The following RORB variants were observed in gnomAD, a reference collection of about 807,000 sequenced individuals.
RORB encodes the protein nuclear receptor ROR-beta.
A neutral mutation model predicts 59.1 loss-of-function variants in RORB; 6 were observed. The observed-to-expected ratio is 0.10, with a 90% CI of 0.06 to 0.20. The LOEUF is 0.20. RORB is among the 10% of genes least tolerant of loss of function. RORB has a pLI of 1.00. For missense variants in RORB, 320 were observed against 560.5 expected (o/e 0.57, Z 4.33); for synonymous variants, 215 against 204.5 (o/e 1.05, Z -0.44).
chr9:74,525,738 T>A (rs1167242349), intron 1 of RORB, among the ~76,000 whole-genome samples: 3 of 151,872 alleles, frequency 2.0e-5, no homozygotes, highest in African/African-American at 7.2e-5. Flanking sequence ...AATTCTACTG[T>A]TTTTTGCTTT....
intron 1 of RORB, among the ~76,000 whole-genome samples, chr9:74,624,525 A>G (rs1823478309): frequency 6.6e-6 from 1 of 152,192 alleles, no homozygotes; most frequent in African/African-American, 2.4e-5. Flanking sequence ...TTATTTTTCC[A>G]AGATCCTATC....
At chr9:74,517,017 T>A (rs1826020243) in intron 1 of RORB, among the ~76,000 whole-genome samples, 1 of 151,998 alleles carries the variant, frequency 6.6e-6, no homozygotes, top group Non-Finnish European at 1.5e-5. Flanking sequence ...TGGGAGCTAA[T>A]TAATATTTTA....
At chr9:74,499,859 C>A (rs533834067) in intron 1 of RORB, among the ~76,000 whole-genome samples, 1 of 152,250 alleles carries the variant, frequency 6.6e-6, no homozygotes, top group South Asian at 2.1e-4. Flanking sequence ...GTAAACTATG[C>A]GCCACCTCAG....
rs557012519 is a variant in RORB at position 74,572,534 on chromosome 9, T to C, written c.8-57748T>C. Reference sequence around the variant, plus strand: ...TTGAACTGGTAGCATTGACAATTGATGAGGTGATGTTATCACCTTTGAAGT... The same window carrying C: ...TTGAACTGGTAGCATTGACAATTGACGAGGTGATGTTATCACCTTTGAAGT... On this transcript the variant is annotated intron_variant, in intron 1 of 9. Coordinates refer to ENST00000376896, the MANE Select transcript of RORB (RefSeq NM_006914.4). Among the ~76,000 whole-genome samples the C allele has an allele frequency of 2.6e-5, 4 of 152,212 alleles. No individual in the cohort carries two copies. In the South Asian group the frequency reaches 8.3e-4, roughly 32 times the overall value.
intron 4 of RORB, among the ~76,000 whole-genome samples, chr9:74,644,242 C>G (rs1823858615): frequency 6.6e-6 from 1 of 152,178 alleles, no homozygotes; most frequent in South Asian, 2.1e-4. Flanking sequence ...CAGCATGTGA[C>G]AGTGAGTAAC....
chr9:74,561,172 C>T (rs1273028045), intron 1 of RORB, among the ~76,000 whole-genome samples: 1 of 151,954 alleles, frequency 6.6e-6, no homozygotes, highest in Non-Finnish European at 1.5e-5. Context: ...CTCCAACTTC[C>T]TGAGAGGTCT....
chr9:74,644,763 A>C (rs1823868553), intron 4 of RORB, among the ~76,000 whole-genome samples: 1 of 152,218 alleles, frequency 6.6e-6, no homozygotes, highest in Admixed American at 6.5e-5. Flanking sequence ...AACTCACAAC[A>C]GTGGAGCAAT....
intron 9 of RORB, among the ~76,000 whole-genome samples, chr9:74,675,602 T>G (rs1220638198): frequency 6.6e-6 from 1 of 152,178 alleles, no homozygotes; most frequent in African/African-American, 2.4e-5. Flanking sequence ...AGAAAAAGAC[T>G]GATTTTGCCA....
At chr9:74,597,200 G>T (rs1163182477) in intron 1 of RORB, among the ~76,000 whole-genome samples, 3 of 152,188 alleles carry the variant, frequency 2.0e-5, no homozygotes, top group African/African-American at 7.2e-5. Flanking sequence ...GGAAGTAGGA[G>T]CAATACCAGA....
In RORB at chr9:74,514,635, C is replaced by A. The variant is rs112323755; in HGVS notation, c.7+16652C>A. 3.8e-3 allele frequency among the ~76,000 whole-genome samples: 568 copies of A among 149,348 alleles called. 6 individuals are homozygous for A. Among genetic ancestry groups the A allele is most frequent in the African/African-American group, 0.013 (537 of 40,940 alleles). On this transcript the variant is annotated intron_variant, in intron 1 of 9. Coordinates refer to ENST00000376896, the MANE Select transcript of RORB (RefSeq NM_006914.4). The stretch of plus-strand genomic sequence containing the variant: ...TAAGCCTTAAGAGGATAACAGTATA[C>A]TTAAAATATGCTAAATGATATTTAT...
chr9:74,523,872 G>T (rs1210188230), intron 1 of RORB, among the ~76,000 whole-genome samples: 1 of 151,812 alleles, frequency 6.6e-6, no homozygotes, highest in Non-Finnish European at 1.5e-5. Context: ...GGCTGTTTGG[G>T]TTCATAGTCA....
At chr9:74,534,838 G>A (rs891480561) in intron 1 of RORB, among the ~76,000 whole-genome samples, 11 of 152,016 alleles carry the variant, frequency 7.2e-5, no homozygotes, top group African/African-American at 1.9e-4. Context: ...ACATTACTTC[G>A]TCTTTTTCTG....
intron 4 of RORB, among the ~76,000 whole-genome samples, chr9:74,652,833 G>GC (rs1416992263): frequency 2.6e-5 from 4 of 152,068 alleles, no homozygotes; most frequent in Non-Finnish European, 4.4e-5. Flanking sequence ...AATTATTGAT[G>GC]CCCCCAATTT....
chr9:74,678,305 C>T (rs1289852503), intron 9 of RORB, among the ~76,000 whole-genome samples: 1 of 152,100 alleles, frequency 6.6e-6, no homozygotes, highest in East Asian at 1.9e-4. Flanking sequence ...TGTCTCTTTC[C>T]AGCTCAGACC....
intron 1 of RORB, among the ~76,000 whole-genome samples, chr9:74,606,944 G>A (rs1823158746): frequency 6.6e-6 from 1 of 152,138 alleles, no homozygotes; most frequent in Non-Finnish European, 1.5e-5. Context: ...TTGTTGTTGT[G>A]ATAACCACAA....
chr9:74,620,248 A>T (rs960342979), intron 1 of RORB, among the ~76,000 whole-genome samples: 1 of 152,148 alleles, frequency 6.6e-6, no homozygotes, highest in Admixed American at 6.5e-5. Flanking sequence ...CAGGAATTCA[A>T]CTTCTTCCTG....
intron 1 of RORB, among the ~76,000 whole-genome samples, chr9:74,516,093 G>T (rs2118054958): frequency 6.6e-6 from 1 of 152,162 alleles, no homozygotes; most frequent in African/African-American, 2.4e-5. Context: ...AGCAGTCCAG[G>T]TACCAGTGCC....
At chr9:74,661,273 A>C (rs1023637220) in intron 5 of RORB, among the ~76,000 whole-genome samples, 1 of 152,208 alleles carries the variant, frequency 6.6e-6, no homozygotes, top group Non-Finnish European at 1.5e-5. Flanking sequence ...AGTTTTTAAG[A>C]GGAATTTATT....
intron 1 of RORB, among the ~76,000 whole-genome samples, chr9:74,588,164 C>A (rs998436882): frequency 6.6e-6 from 1 of 152,042 alleles, no homozygotes; most frequent in African/African-American, 2.4e-5. Context: ...TAAATTTAAA[C>A]AAGCATCCTT....
Sources: gnomAD v4.1 joint callset for allele counts (sites outside exome capture counted in the v4.1 genomes callset) on GRCh38, gnomAD v4.1.1 for gene constraint, MANE v1.5 for transcripts, NCBI Gene and HGNC (gene_info 2026-07-23, HGNC 2026-07-21) for gene names.